Variants in VPS35L observed in about 807,000 individuals in gnomAD.
VPS35L encodes the protein VPS35 endosomal protein-sorting factor-like.
Under a neutral mutation model 133.0 loss-of-function variants are expected in VPS35L, and 83 were observed. The observed-to-expected ratio is 0.62, with a 90% CI of 0.52 to 0.75. The LOEUF is 0.75. Among genes scored for constraint, VPS35L ranks in the 30% least tolerant of loss-of-function variants. VPS35L has a pLI of 0.00. For missense variants in VPS35L, 1,083 were observed against 1,206.8 expected, an observed-to-expected ratio of 0.90 and a Z score of 1.52; for synonymous variants, 423 against 449.9, an observed-to-expected ratio of 0.94 and a Z score of 0.76.
intron 2 of VPS35L, among the ~76,000 whole-genome samples, chr16:19,566,124 C>T (rs1971180593): frequency 6.6e-6 from 1 of 152,172 alleles, no homozygotes; most frequent in Admixed American, 6.5e-5. Flanking sequence ...CTTCAATCCC[C>T]ATGCTGTTGT....
intron 24 of VPS35L, among the ~76,000 whole-genome samples, chr16:19,648,588 C>A (rs1974026273): frequency 6.6e-6 from 1 of 152,128 alleles, no homozygotes; most frequent in South Asian, 2.1e-4. Flanking sequence ...TAGGTTCAGG[C>A]TGGATGTGAT....
In VPS35L at chr16:19,627,743, G is replaced by A. The variant is rs147513363; in HGVS notation, c.1321G>A (p.Ala441Thr). Residue 441 changes from alanine to threonine, a missense_variant, in exon 16 of 31, where the codon GCC becomes ACC. Coordinates refer to ENST00000417362, the MANE Select transcript of VPS35L (RefSeq NM_020314.7). ...GTCTGCCTTCCGGGCTGAGTTCATCGCCACAAGGTCTATGGATTTCATTGG... is the reference window on the plus strand; with the variant it reads ...GTCTGCCTTCCGGGCTGAGTTCATCACCACAAGGTCTATGGATTTCATTGG... ...VMSAFRAEFIATRSMDFIGMI... is the reference protein window; with the variant it reads ...VMSAFRAEFITTRSMDFIGMI... 255 of 1,614,048 alleles carry A rather than the reference G, an allele frequency of 1.6e-4. 1 individual carries two copies. The African/African-American group carries it at 2.8e-3, about 17-fold the overall frequency.
At chr16:19,562,624 T>TAAAAAAAATTTTAAACC (rs1464170136) in intron 1 of VPS35L, among the ~76,000 whole-genome samples, 1 of 152,168 alleles carries the variant, frequency 6.6e-6, no homozygotes, top group Non-Finnish European at 1.5e-5. Context: ...ATATGTGAGT[T>TAAAAAAAATTTTAAACC]AAAAAAGATT....
chr16:19,603,582 T>C (rs947902736), intron 9 of VPS35L, among the ~76,000 whole-genome samples: 4 of 152,150 alleles, frequency 2.6e-5, no homozygotes, highest in African/African-American at 9.7e-5. Flanking sequence ...GCGTCACACC[T>C]GTGACGATGT....
chr16:19,590,130 T>A, intron 7 of VPS35L, among the ~76,000 whole-genome samples: 1 of 57,052 alleles, frequency 1.8e-5, no homozygotes, highest in Admixed American at 2.5e-4. Flanking sequence ...CAGCTTACAT[T>A]CCCGCCCCGC....
chr16:19,693,360 G>C (rs1001153697), intron 29 of VPS35L, among the ~76,000 whole-genome samples: 3 of 152,122 alleles, frequency 2.0e-5, no homozygotes, highest in Admixed American at 1.3e-4. Flanking sequence ...GAAGGAACAG[G>C]CCAGGCACAA....
intron 5 of VPS35L, 171 bp from the exon 6 acceptor site, chr16:19,578,881 G>A (rs1971619112): frequency 3.0e-6 from 2 of 657,144 alleles, no homozygotes; most frequent in South Asian, 3.7e-5. Context: ...ATGTTTCGAT[G>A]GAATTCTGGT....
chr16:19,555,749 A>G lies in VPS35L; in HGVS notation c.17+3A>G, dbSNP rs1232475054. The G allele has an allele frequency of 5.1e-6, 8 of 1,577,716 alleles. No individual in the cohort carries two copies. Among genetic ancestry groups the G allele is most frequent in the Middle Eastern group, 1.8e-4 (1 of 5,570 alleles). On this transcript the variant is annotated splice_donor_region_variant and intron_variant, in intron 1 of 30. Transcript: ENST00000417362. ...GGGAAGATGGCCGTCTTTCCTTGGTAAGGAAGCAGCGGCGGGTGGGCTTTG... is the reference window on the plus strand; with the variant it reads ...GGGAAGATGGCCGTCTTTCCTTGGTGAGGAAGCAGCGGCGGGTGGGCTTTG...
intron 27 of VPS35L, among the ~76,000 whole-genome samples, chr16:19,675,029 A>G (rs952010072): frequency 1.3e-5 from 2 of 149,982 alleles, no homozygotes; most frequent in Non-Finnish European, 3.0e-5. Flanking sequence ...CACTAGCGGC[A>G]TCAACCTTGA....
intron 7 of VPS35L, among the ~76,000 whole-genome samples, chr16:19,585,586 G>A (rs1318710930): frequency 6.7e-6 from 1 of 149,022 alleles, no homozygotes; most frequent in Non-Finnish European, 1.5e-5. Context: ...TTTTTTTTTT[G>A]TAGAGACAGG....
rs756354540 is a variant in VPS35L at position 19,608,197 on chromosome 16, T to C, written c.804T>C (p.Asn268=). The C allele has an allele frequency of 3.1e-6, 5 of 1,613,502 alleles. No homozygotes were observed. The highest frequency in any genetic ancestry group is 4.2e-6 in the Non-Finnish European group (5 of 1,179,498). Reference sequence around the variant, plus strand: ...TTACAGATCACTTTTCTCCAGAGAATGCAAATGACACGGCCAAGGAAACAT... The same window carrying C: ...TTACAGATCACTTTTCTCCAGAGAACGCAAATGACACGGCCAAGGAAACAT... ...SVLPDHFSPE[N]ANDTAKETCL... The change falls in exon 10 of 31, where the codon AAT becomes AAC. Residue 268 remains asparagine (N), a synonymous_variant. Coordinates refer to ENST00000417362, the MANE Select transcript of VPS35L (RefSeq NM_020314.7).
At chr16:19,674,252 C>T (rs117541623) in intron 27 of VPS35L, among the ~76,000 whole-genome samples, 6,144 of 125,464 alleles carry the variant, frequency 0.049, 205 homozygotes, top group Admixed American at 0.076. Context: ...GAATGCAGTG[C>T]GCGATCTCGG....
At position 19,678,481 on chromosome 16, in the gene VPS35L, A is replaced by AT. The variant is rs776896300; in HGVS notation, c.2362-3729dup. 9.3e-3 allele frequency among the ~76,000 whole-genome samples: 1,319 copies of AT among 141,772 alleles called. 20 individuals carry two copies. Among genetic ancestry groups the AT allele is most frequent in the African/African-American group, 0.026 (1,004 of 38,890 alleles). The allele number at this position is 141,772 out of a possible 152,430, so 93.0% of individuals were successfully genotyped here. The stretch of plus-strand genomic sequence containing the variant: ...GCTGTTGGCACTGAACCATCTGTAC[A>AT]TTTTTTTTTTTTTTTGAGAGGAGTC... On this transcript the variant is annotated intron_variant, in intron 27 of 30. Coordinates refer to ENST00000417362, the MANE Select transcript of VPS35L (RefSeq NM_020314.7).
At position 19,668,591 on chromosome 16, in the gene VPS35L, A is replaced by AGTGTGT. The variant is rs35546511; in HGVS notation, c.2222-545_2222-540dup. ...ATGTTAATCAGAAGCCTTTAAGCTG[A>AGTGTGT]GTGTGTGTGTGTGTGTGTGTGTGTG... On this transcript the variant is annotated intron_variant, in intron 26 of 30. Transcript: ENST00000417362. Among the ~76,000 whole-genome samples, 190 of 147,490 alleles carry AGTGTGT rather than the reference A, an allele frequency of 1.3e-3. 1 individual carries two copies. The highest frequency in any genetic ancestry group is 9.0e-3 in the East Asian group (45 of 4,982).
At chr16:19,572,551 T>G (rs1971415245) in intron 3 of VPS35L, among the ~76,000 whole-genome samples, 1 of 152,236 alleles carries the variant, frequency 6.6e-6, no homozygotes, top group Non-Finnish European at 1.5e-5. Flanking sequence ...CTTGCCAGCC[T>G]GACATCAGCC....
intron 20 of VPS35L, among the ~76,000 whole-genome samples, chr16:19,637,928 C>T (rs1973671193): frequency 1.3e-5 from 2 of 152,210 alleles, no homozygotes; most frequent in African/African-American, 4.8e-5. Flanking sequence ...CACAACTTCT[C>T]AAACCTTCAA....
intron 8 of VPS35L, among the ~76,000 whole-genome samples, chr16:19,594,677 GAA>G (rs893471358): frequency 3.6e-5 from 4 of 110,588 alleles, no homozygotes; most frequent in African/African-American, 1.3e-4. Flanking sequence ...AAAAAGAAGA[GAA>G]AAAAAATCCT....
At chr16:19,664,134 T>C (rs1325079202) in intron 26 of VPS35L, among the ~76,000 whole-genome samples, 2 of 152,140 alleles carry the variant, frequency 1.3e-5, no homozygotes, top group East Asian at 3.9e-4. Context: ...TTACTCGTCA[T>C]ATATACAAAA....
At chr16:19,630,491 G>A (rs374752891) in intron 18 of VPS35L, among the ~76,000 whole-genome samples, 9 of 151,764 alleles carry the variant, frequency 5.9e-5, no homozygotes, top group Non-Finnish European at 7.4e-5. Flanking sequence ...CTGCCACCAC[G>A]CCTGGCTAAT....
Sources: gnomAD v4.1 joint callset for allele counts (sites outside exome capture counted in the v4.1 genomes callset) on GRCh38, gnomAD v4.1.1 for gene constraint, MANE v1.5 for transcripts, NCBI Gene and HGNC (gene_info 2026-07-23, HGNC 2026-07-21) for gene names.